Variants in VAV1 observed in about 807,000 individuals in gnomAD.
VAV1 encodes proto-oncogene vav.
A neutral mutation model predicts 128.1 loss-of-function variants in VAV1; 33 were observed. That is an observed-to-expected ratio of 0.26 (90% CI 0.20 to 0.34). VAV1 has a LOEUF of 0.34. Ranked by LOEUF, VAV1 falls within the 10% of genes least tolerant of loss-of-function variation. The pLI is 1.00. For missense variants in VAV1, 715 were observed against 1,093.7 expected (o/e 0.65, Z 4.88); for synonymous variants, 394 against 409.8 (o/e 0.96, Z 0.47).
In VAV1 at chr19:6,828,883, G is replaced by A. The variant is rs1288626917; in HGVS notation, c.1248G>A (p.Arg416=). ...AACTCAAGATCACCTCGGTGGAACG[G>A]CGCTCCAAGATGGACAGGTGGGTGG... The part of the protein sequence containing the change: ...DGELKITSVE[R]RSKMDRYAFL... Residue 416 remains arginine, a synonymous_variant, in exon 13 of 27, where the codon CGG becomes CGA. Coordinates refer to ENST00000602142, the MANE Select transcript of VAV1 (RefSeq NM_005428.4). This position sits in a 1 kb window ranked among gnomAD's most constrained non-coding sequence, Gnocchi z 4.5. The A allele has an allele frequency of 1.9e-6, 3 of 1,614,116 alleles. No homozygotes were observed. Among genetic ancestry groups the A allele is most frequent in the South Asian group, 2.2e-5 (2 of 91,086 alleles).
chr19:6,776,736 C>G lies in VAV1; in HGVS notation c.204+3725C>G, dbSNP rs539867518. On this transcript the variant is annotated intron_variant, in intron 1 of 26. Coordinates refer to ENST00000602142, the MANE Select transcript of VAV1 (RefSeq NM_005428.4). ...CCCACCCATCTATCCATGGATCCAT[C>G]CATCCACTAATCTGTCTTTTTTATT... Among the ~76,000 whole-genome samples, 58 of 149,114 alleles carry G rather than the reference C, an allele frequency of 3.9e-4. 1 individual carries two copies. Among genetic ancestry groups the G allele is most frequent in the Middle Eastern group, 6.9e-3 (2 of 290 alleles).
chr19:6,785,231 G>GCA (rs1970861805), intron 1 of VAV1, among the ~76,000 whole-genome samples: 1 of 151,980 alleles, frequency 6.6e-6, no homozygotes, highest in South Asian at 2.1e-4. Flanking sequence ...GAGTGCAGTG[G>GCA]TGTTATCATA....
At chr19:6,786,369 G>A (rs580314) in intron 1 of VAV1, among the ~76,000 whole-genome samples, 31,077 of 152,108 alleles carry the variant, frequency 0.2, 3,323 homozygotes, top group African/African-American at 0.26. Flanking sequence ...GGCTGAGATG[G>A]GAGGATCGCT....
rs533276383 is a variant in VAV1 at position 6,816,949 on chromosome 19, G to A, written c.205-3753G>A. Among the ~76,000 whole-genome samples the A allele has an allele frequency of 5.1e-4, 77 of 152,124 alleles. 1 individual carries two copies. The South Asian group carries it at 0.012, about 23-fold the overall frequency. On this transcript the variant is annotated intron_variant, in intron 1 of 26. Transcript: ENST00000602142. ...ACTGCCCTCCAGCCTGGGCGACAGA[G>A]CAAGACTCCATCTCAAAAGGGTATA... is the stretch of plus-strand genomic sequence containing the variant.
chr19:6,851,575 C>T (rs953076262), intron 24 of VAV1, among the ~76,000 whole-genome samples: 6 of 152,132 alleles, frequency 3.9e-5, no homozygotes, highest in Non-Finnish European at 8.8e-5. Flanking sequence ...GTTTACTCCT[C>T]GTCTAGCTTC....
chr19:6,853,489 C>A (rs1395466665), intron 25 of VAV1, among the ~76,000 whole-genome samples: 1 of 151,660 alleles, frequency 6.6e-6, no homozygotes, highest in Non-Finnish European at 1.5e-5. Flanking sequence ...TTCGGGAGGC[C>A]AAGGTGGGTG....
intron 4 of VAV1, 63 bp downstream of exon 4, chr19:6,821,922 G>A: frequency 1.3e-6 from 2 of 1,596,228 alleles, no homozygotes; most frequent in East Asian, 2.2e-5. Context: ...TGGAGGGTGT[G>A]GGGGGACATG....
Position 6,828,823 on chromosome 19 carries a change from T to A in VAV1, c.1188T>A (p.Ser396=), listed in dbSNP as rs761500863. 5.6e-6 allele frequency: 9 copies of A among 1,614,164 alleles called. No homozygotes were observed. The South Asian group carries it at 9.9e-5, about 18-fold the overall frequency. The part of the protein sequence containing the change: ...FQLSIENLDQ[S]LAHYGRPKID... Reference sequence around the variant, plus strand: ...CCCTGCCTACTGCATAGGACCAGTCTCTGGCTCACTATGGCCGGCCCAAGA... The same window carrying A: ...CCCTGCCTACTGCATAGGACCAGTCACTGGCTCACTATGGCCGGCCCAAGA... The change falls in exon 13 of 27, where the codon TCT becomes TCA. Residue 396 remains serine (S), a synonymous_variant. Transcript: ENST00000602142. This position sits in a 1 kb window ranked among gnomAD's most constrained non-coding sequence, Gnocchi z 4.5.
chr19:6,841,482 T>TC (rs1182433938), intron 21 of VAV1, among the ~76,000 whole-genome samples: 54 of 150,462 alleles, frequency 3.6e-4, no homozygotes, highest in African/African-American at 1.1e-3. Context: ...TCTTTTCTTT[T>TC]TTTTTTTTTT....
At chr19:6,783,569 G>A (rs1040696272) in intron 1 of VAV1, among the ~76,000 whole-genome samples, 8 of 141,756 alleles carry the variant, frequency 5.6e-5, no homozygotes, top group East Asian at 2.2e-4. Flanking sequence ...GGCAACCTCC[G>A]CCTCCCAGGT....
At position 6,822,214 on chromosome 19, in the gene VAV1, C is replaced by A. The variant is rs1225757957; in HGVS notation, c.450-7C>A. On this transcript the variant is annotated splice_region_variant and splice_polypyrimidine_tract_variant and intron_variant, in intron 4 of 26. Coordinates refer to ENST00000602142, the MANE Select transcript of VAV1 (RefSeq NM_005428.4). This position sits in a 1 kb window ranked among gnomAD's most constrained non-coding sequence, Gnocchi z 5.9. Reference sequence around the variant, plus strand: ...GTCCAAGGGATCCCTGACCTCACAACCCACAGCGACACGGTGGAGGAGGAT... The same window carrying A: ...GTCCAAGGGATCCCTGACCTCACAAACCACAGCGACACGGTGGAGGAGGAT... 1 of 1,571,766 alleles carries A rather than the reference C, an allele frequency of 6.4e-7. No individual in the cohort carries two copies. The highest frequency in any genetic ancestry group is 1.2e-5 in the South Asian group (1 of 85,570).
intron 1 of VAV1, among the ~76,000 whole-genome samples, chr19:6,784,412 T>TA (rs1461797315): frequency 1.3e-5 from 2 of 151,894 alleles, no homozygotes; most frequent in Non-Finnish European, 2.9e-5. Context: ...AACCTCCTCT[T>TA]ACCTTGCCTG....
rs566725770 is a variant in VAV1 at position 6,843,724 on chromosome 19, A to G, written c.2012+558A>G. 4.4e-4 allele frequency among the ~76,000 whole-genome samples: 67 copies of G among 152,300 alleles called. 1 individual carries two copies. The Middle Eastern group carries it at 0.02, about 46-fold the overall frequency. ...GCGTAAATGAGTCTGTCAAGTGCTT[A>G]GTCCTGGTCCTGACACATAATGAGG... On this transcript the variant is annotated intron_variant, in intron 22 of 26. Transcript: ENST00000602142.
In VAV1 at chr19:6,833,606, A is replaced by G. The variant is rs1223674966; in HGVS notation, c.1689A>G (p.Pro563=). The G allele has an allele frequency of 3.1e-6, 5 of 1,613,762 alleles. No individual in the cohort carries two copies. In the African/African-American group the frequency reaches 6.7e-5, roughly 22 times the overall value. The stretch of plus-strand genomic sequence containing the variant: ...AGGAGTGTCTGGGGAGGGTCCCTCC[A>G]TGTGGCCGACATGGGCAAGGTACGA... ...AHKECLGRVP[P]CGRHGQDFPG... Residue 563 remains proline, a synonymous_variant, in exon 17 of 27, where the codon CCA becomes CCG. Transcript: ENST00000602142.
intron 1 of VAV1, among the ~76,000 whole-genome samples, chr19:6,819,119 C>T (rs1042139233): frequency 2.6e-5 from 4 of 151,236 alleles, no homozygotes; most frequent in African/African-American, 9.7e-5. Context: ...CCATCCCCCT[C>T]AAAAAAAAGA....
In VAV1 at chr19:6,822,458, C is replaced by A. The variant is rs868133137; in HGVS notation, c.598C>A (p.Arg200=). ...GTATGACAAGCGCTGCTGCTGCCTG[C>A]GGGAGATCCAGCAGACGGAGGAGAA... The part of the protein sequence containing the change: ...TEYDKRCCCL[R]EIQQTEEKYT... Residue 200 remains arginine, a synonymous_variant, in exon 6 of 27, where the codon CGG becomes AGG. Transcript: ENST00000602142. The surrounding 1 kb of genome is among the most constrained non-coding windows in gnomAD (Gnocchi z 5.9). 6.4e-7 allele frequency: 1 copy of A among 1,562,978 alleles called. No homozygotes were observed. Among genetic ancestry groups the A allele is most frequent in the East Asian group, 2.4e-5 (1 of 41,694 alleles).
chr19:6,807,374 A>G (rs1971417037), intron 1 of VAV1, among the ~76,000 whole-genome samples: 1 of 152,018 alleles, frequency 6.6e-6, no homozygotes, highest in African/African-American at 2.4e-5. Flanking sequence ...CGCACAAGGT[A>G]GATCCCTCAC....
Position 6,820,589 on chromosome 19 carries a change from G to A in VAV1, c.205-113G>A. On this transcript the variant is annotated intron_variant, in intron 1 of 26. Coordinates refer to ENST00000602142, the MANE Select transcript of VAV1 (RefSeq NM_005428.4). The surrounding 1 kb of genome is among the most constrained non-coding windows in gnomAD (Gnocchi z 4.4). ...AAGATAATTCAATTTCATGGAAGAG[G>A]GTCTGTGCTTTCATTTCCCCTCCAC... 1.3e-6 allele frequency: 1 copy of A among 747,760 alleles called. No individual in the cohort carries two copies. Among genetic ancestry groups the A allele is most frequent in the Non-Finnish European group, 2.4e-6 (1 of 421,490 alleles). 46.3% of individuals were successfully genotyped at this position (747,760 alleles called of 1,614,324 possible). A position where few individuals can be genotyped will look rare whatever the true frequency, so the allele number is the denominator to read the frequency against.
At chr19:6,834,629 A>G (rs570733088) in intron 19 of VAV1, among the ~76,000 whole-genome samples, 4 of 146,566 alleles carry the variant, frequency 2.7e-5, no homozygotes, top group South Asian at 4.2e-4. Context: ...TAATTAATAT[A>G]ATATAGTAAT....
Sources: gnomAD v4.1 joint callset for allele counts (sites outside exome capture counted in the v4.1 genomes callset) on GRCh38, gnomAD v4.1.1 for gene constraint, Gnocchi (gnomAD v3.1) non-coding constraint, MANE v1.5 for transcripts, NCBI Gene and HGNC (gene_info 2026-07-23, HGNC 2026-07-21) for gene names.